The following MGAT4C variants were observed in gnomAD, a reference collection of about 807,000 sequenced individuals.
MGAT4C encodes alpha-1,3-mannosyl-glycoprotein 4-beta-N-acetylglucosaminyltransferase C.
In MGAT4C, 19 loss-of-function variants were observed where a neutral mutation model predicts 40.1. The observed-to-expected ratio is 0.47, with a 90% CI of 0.33 to 0.70. MGAT4C has a LOEUF of 0.70. MGAT4C is among the 30% of genes least tolerant of loss of function. The pLI, the probability that MGAT4C is intolerant of heterozygous loss-of-function variation, is 0.02. For missense variants in MGAT4C, 491 were observed against 563.2 expected, an observed-to-expected ratio of 0.87 and a Z score of 1.30; for synonymous variants, 181 against 187.1, an observed-to-expected ratio of 0.97 and a Z score of 0.27.
chr12:86,084,912 C>G (rs1871469282), intron 1 of MGAT4C, among the ~76,000 whole-genome samples: 1 of 151,778 alleles, frequency 6.6e-6, no homozygotes, highest in Non-Finnish European at 1.5e-5. Context: ...CCAGTGTAAC[C>G]TGAGTAGAAT....
intron 3 of MGAT4C, among the ~76,000 whole-genome samples, chr12:86,365,697 T>C (rs1379021918): frequency 6.6e-6 from 1 of 151,958 alleles, no homozygotes; most frequent in Non-Finnish European, 1.5e-5. Flanking sequence ...TTTTTTTTTT[T>C]TCTCTGAAGA....
chr12:86,434,344 A>G (rs909584774), intron 3 of MGAT4C, among the ~76,000 whole-genome samples: 1 of 151,970 alleles, frequency 6.6e-6, no homozygotes, highest in African/African-American at 2.4e-5. Context: ...TAGGGATTAC[A>G]TTGCTTTAAT....
chr12:86,239,851 G>T (rs1449374516), intron 1 of MGAT4C, among the ~76,000 whole-genome samples: 1 of 128,004 alleles, frequency 7.8e-6, no homozygotes, highest in Admixed American at 9.9e-5. Flanking sequence ...CATAAAAGGG[G>T]AATATCACAC....
At chr12:86,285,796 A>G (rs1953339236) in intron 4 of MGAT4C, among the ~76,000 whole-genome samples, 1 of 151,992 alleles carries the variant, frequency 6.6e-6, no homozygotes, top group African/African-American at 2.4e-5. Flanking sequence ...CTAACAGAGG[A>G]TTTATTAAAT....
At chr12:86,041,827 A>G (rs1354730880) in intron 2 of MGAT4C, among the ~76,000 whole-genome samples, 1 of 152,134 alleles carries the variant, frequency 6.6e-6, no homozygotes, top group Non-Finnish European at 1.5e-5. Flanking sequence ...GTAGGTGTCT[A>G]TTAGGTCCAT....
chr12:86,835,981 G>A (rs1004881768), intron 1 of MGAT4C, among the ~76,000 whole-genome samples: 2 of 151,898 alleles, frequency 1.3e-5, no homozygotes, highest in African/African-American at 2.4e-5. Context: ...TTGAGCATAT[G>A]CGGTGCACAA....
At chr12:86,295,624 T>C (rs1369550210) in intron 4 of MGAT4C, among the ~76,000 whole-genome samples, 1 of 152,138 alleles carries the variant, frequency 6.6e-6, no homozygotes, top group African/African-American at 2.4e-5. Context: ...CCTGCTTTTA[T>C]TCTCTTATCT....
At chr12:86,318,710 T>A (rs981951797) in intron 4 of MGAT4C, among the ~76,000 whole-genome samples, 1 of 152,072 alleles carries the variant, frequency 6.6e-6, no homozygotes, top group African/African-American at 2.4e-5. Context: ...ATATTTATCA[T>A]ATTATATGTA....
At chr12:86,625,157 C>T (rs1025862299) in intron 2 of MGAT4C, among the ~76,000 whole-genome samples, 1 of 152,062 alleles carries the variant, frequency 6.6e-6, no homozygotes, top group East Asian at 1.9e-4. Flanking sequence ...GGGCTCTTCC[C>T]TCTTTGCTCT....
At chr12:86,246,604 CACTT>C (rs1009249032) in intron 1 of MGAT4C, among the ~76,000 whole-genome samples, 2 of 152,254 alleles carry the variant, frequency 1.3e-5, no homozygotes, top group Admixed American at 6.5e-5. Context: ...GTTCTATAAA[CACTT>C]TATTTATTAT....
intron 1 of MGAT4C, among the ~76,000 whole-genome samples, chr12:86,255,334 T>C (rs1952472096): frequency 6.6e-6 from 1 of 152,120 alleles, no homozygotes; most frequent in Non-Finnish European, 1.5e-5. Flanking sequence ...AATTCTTCAT[T>C]TGTTATCATG....
intron 2 of MGAT4C, among the ~76,000 whole-genome samples, chr12:86,445,742 T>C (rs1434426573): frequency 6.6e-6 from 1 of 152,044 alleles, no homozygotes; most frequent in African/African-American, 2.4e-5. Context: ...CGTGACAACA[T>C]GAGTGAGTCT....
intron 3 of MGAT4C, among the ~76,000 whole-genome samples, chr12:86,368,835 C>G (rs1237813415): frequency 6.6e-6 from 1 of 151,924 alleles, no homozygotes; most frequent in Non-Finnish European, 1.5e-5. Flanking sequence ...TCCATGTGCT[C>G]TTGAAAAGAA....
At chr12:86,105,459 ATAAAT>A (rs1323712870) in intron 1 of MGAT4C, among the ~76,000 whole-genome samples, 1 of 152,180 alleles carries the variant, frequency 6.6e-6, no homozygotes, top group Non-Finnish European at 1.5e-5. Flanking sequence ...ATCAAAAACA[ATAAAT>A]TAATAGCAGT....
intron 2 of MGAT4C, among the ~76,000 whole-genome samples, chr12:86,664,684 T>C (rs1964060519): frequency 6.6e-6 from 1 of 152,110 alleles, no homozygotes; most frequent in Admixed American, 6.6e-5. Context: ...GTGCCTATTA[T>C]CTGGACAAGT....
chr12:86,715,957 C>A (rs1361960730), intron 2 of MGAT4C, among the ~76,000 whole-genome samples: 1 of 152,032 alleles, frequency 6.6e-6, no homozygotes, highest in Non-Finnish European at 1.5e-5. Flanking sequence ...AAGGAAAGAG[C>A]AAACAAAACT....
intron 1 of MGAT4C, among the ~76,000 whole-genome samples, chr12:86,062,855 G>T (rs888273646): frequency 1.3e-5 from 2 of 151,886 alleles, no homozygotes; most frequent in South Asian, 4.1e-4. Context: ...ACAAAGCCTC[G>T]AAGAAATATG....
chr12:86,557,645 G>A (rs1174825490), intron 2 of MGAT4C, among the ~76,000 whole-genome samples: 1 of 152,114 alleles, frequency 6.6e-6, no homozygotes. Context: ...ATAATTATAT[G>A]GAGACTACAT....
intron 1 of MGAT4C, among the ~76,000 whole-genome samples, chr12:86,736,214 T>G (rs974912961): frequency 6.6e-6 from 1 of 151,830 alleles, no homozygotes; most frequent in Non-Finnish European, 1.5e-5. Flanking sequence ...TATCCATGAC[T>G]TTACAGTAAG....
Sources: gnomAD v4.1 joint callset for allele counts (sites outside exome capture counted in the v4.1 genomes callset) on GRCh38, gnomAD v4.1.1 for gene constraint, MANE v1.5 for transcripts, NCBI Gene and HGNC (gene_info 2026-07-23, HGNC 2026-07-21) for gene names.